The following TCF20 variants were observed in gnomAD, a reference collection of about 807,000 sequenced individuals.
TCF20 encodes SPRE-binding protein.
TCF20 carries 3 observed loss-of-function variants against 148.6 expected under a neutral mutation model. The ratio of observed to expected loss-of-function variants is 0.02; its 90% CI spans 0.01 to 0.05. The LOEUF (loss-of-function observed/expected upper bound fraction) is 0.05, where lower values mean the gene tolerates loss of function less well. Ranked by LOEUF, TCF20 falls within the 10% of genes least tolerant of loss-of-function variation. TCF20 has a pLI of 1.00. For missense variants in TCF20, 2,350 were observed against 2,429.3 expected (o/e 0.97, Z 0.69); for synonymous variants, 1,049 against 909.5 (o/e 1.15, Z -2.76).
chr22:42,272,438 C>T (rs1442599755), upstream of TCF20, among the ~76,000 whole-genome samples: 1 of 152,224 alleles, frequency 6.6e-6, no homozygotes, highest in Non-Finnish European at 1.5e-5. Flanking sequence ...TCCCCTGCCC[C>T]ATCATTCTTC....
upstream of TCF20, among the ~76,000 whole-genome samples, chr22:42,273,360 CAA>C (rs35166029): frequency 0.015 from 901 of 61,182 alleles, 10 homozygotes; most frequent in African/African-American, 0.05. Context: ...AACTCCGTCT[CAA>C]AAAAAAAAAA....
Position 42,297,763 on chromosome 22 carries a change from G to A in TCF20, c.-37+45716C>T, listed in dbSNP as rs1010402061. ...CCCACAAACCACAACAGAAGGCCTC[G>A]GGTCGCATCCCCCCACCAGCTGGGG... On this transcript the variant is annotated intron_variant, in intron 1 of 1. Coordinates refer to the TCF20 transcript ENST00000515426. The surrounding 1 kb of genome is among the most constrained non-coding windows in gnomAD (Gnocchi z 4.3). 3.6e-4 allele frequency among the ~76,000 whole-genome samples: 55 copies of A among 152,156 alleles called. No individual in the cohort carries two copies. Among genetic ancestry groups the A allele is most frequent in the Non-Finnish European group, 2.9e-4 (20 of 68,026 alleles).
intron 5 of TCF20, among the ~76,000 whole-genome samples, chr22:42,167,953 C>CT (rs2147050924): frequency 6.6e-6 from 1 of 151,306 alleles, no homozygotes; most frequent in East Asian, 1.9e-4. Context: ...TCTTGAACTC[C>CT]TGGGCTTAGG....
At chr22:42,342,795 C>A (rs1389039181) in intron 1 of TCF20, among the ~76,000 whole-genome samples, 1 of 152,214 alleles carries the variant, frequency 6.6e-6, no homozygotes, top group African/African-American at 2.4e-5. Context: ...TTTCCTCCCC[C>A]TCCTTCAGGG....
chr22:42,278,788 C>CCCAT (rs942552490), intron 1 of TCF20: 9 of 152,290 alleles, frequency 5.9e-5, no homozygotes. Flanking sequence ...GATGACCATC[C>CCCAT]CCATGTACAG....
chr22:42,247,011 A>T (rs1480225298), intron 1 of TCF20, among the ~76,000 whole-genome samples: 1 of 151,824 alleles, frequency 6.6e-6, no homozygotes, highest in East Asian at 1.9e-4. Context: ...AGGTATAATA[A>T]AAAGCAAAAA....
intron 1 of TCF20, among the ~76,000 whole-genome samples, chr22:42,330,884 G>C (rs893501487): frequency 2.6e-5 from 4 of 152,204 alleles, no homozygotes; most frequent in African/African-American, 9.6e-5. Context: ...TGAATGTCCT[G>C]AGAAGCTGCC....
chr22:42,283,345 ACACCCGGGCTGGCTGCGCACGGCGG>A (rs1926949915), intron 1 of TCF20, among the ~76,000 whole-genome samples: 2 of 150,454 alleles, frequency 1.3e-5, no homozygotes, highest in Admixed American at 6.6e-5. Flanking sequence ...CTGCACCCTC[ACACCCGGGCTGGCTGCGCACGGCGG>A]CTGGATCTGG....
At chr22:42,285,806 G>A (rs986952128), upstream of TCF20, among the ~76,000 whole-genome samples, 8 of 151,848 alleles carry the variant, frequency 5.3e-5, no homozygotes, top group African/African-American at 1.9e-4. The surrounding 1 kb of genome is among the most constrained non-coding windows in gnomAD (Gnocchi z 4.2). Context: ...TTGCCTCTGG[G>A]CCTTTGCACA....
chr22:42,201,874 G>A (rs950513114), intron 2 of TCF20, among the ~76,000 whole-genome samples: 1 of 152,144 alleles, frequency 6.6e-6, no homozygotes, highest in African/African-American at 2.4e-5. Context: ...TCACTAGAAT[G>A]TTAATGCTTT....
intron 1 of TCF20, among the ~76,000 whole-genome samples, chr22:42,262,181 T>C (rs1415707264): frequency 3.9e-5 from 6 of 152,108 alleles, no homozygotes; most frequent in African/African-American, 4.8e-5. Flanking sequence ...ATTAAAAGAT[T>C]TTAAGCAGAC....
intron 1 of TCF20, among the ~76,000 whole-genome samples, chr22:42,262,341 C>G (rs1266673284): frequency 6.6e-6 from 1 of 151,998 alleles, no homozygotes; most frequent in African/African-American, 2.4e-5. Context: ...ATAGCACTGA[C>G]AGTAACTTGA....
At chr22:42,168,114 G>C (rs957491063) in intron 5 of TCF20, among the ~76,000 whole-genome samples, 2 of 151,996 alleles carry the variant, frequency 1.3e-5, no homozygotes, top group African/African-American at 4.8e-5. Context: ...TCTGCAAAAA[G>C]GAATCCTTCA....
chr22:42,265,689 G>A (rs1317480311), intron 1 of TCF20, among the ~76,000 whole-genome samples: 1 of 152,178 alleles, frequency 6.6e-6, no homozygotes, highest in Non-Finnish European at 1.5e-5. Context: ...GTCCCCATGA[G>A]TAAGAAGGCT....
intron 1 of TCF20, among the ~76,000 whole-genome samples, chr22:42,216,101 T>TTTTTTTTTTTG (rs967996391): frequency 6.7e-5 from 9 of 134,010 alleles, no homozygotes; most frequent in African/African-American, 2.1e-4. Flanking sequence ...TTTTTTTTTT[T>TTTTTTTTTTTG]TTTTTTGAGA....
At chr22:42,207,242 A>G (rs73431674) in intron 2 of TCF20, among the ~76,000 whole-genome samples, 6,196 of 152,116 alleles carry the variant, frequency 0.041, 421 homozygotes, top group African/African-American at 0.14. Context: ...TCATGAGCCC[A>G]TATCCCCACC....
intron 1 of TCF20, among the ~76,000 whole-genome samples, chr22:42,259,071 T>C (rs949865628): frequency 2.6e-5 from 4 of 152,192 alleles, no homozygotes; most frequent in African/African-American, 9.7e-5. Flanking sequence ...CATTTCTCAG[T>C]AATCTTGTCT....
chr22:42,269,868 C>G (rs907951751), intron 1 of TCF20: 2 of 152,370 alleles, frequency 1.3e-5, no homozygotes, highest in African/African-American at 4.8e-5. Context: ...CACATCCCGG[C>G]CCAGCCCCGC....
At chr22:42,311,505 G>A (rs770419731) in intron 1 of TCF20, among the ~76,000 whole-genome samples, 19 of 152,202 alleles carry the variant, frequency 1.2e-4, no homozygotes, top group Non-Finnish European at 2.1e-4. Flanking sequence ...CCCTCTCTCA[G>A]CAGCTGCAAA....
Sources: gnomAD v4.1 joint callset for allele counts (sites outside exome capture counted in the v4.1 genomes callset) on GRCh38, gnomAD v4.1.1 for gene constraint, Gnocchi (gnomAD v3.1) non-coding constraint, MANE v1.5 for transcripts, NCBI Gene and HGNC (gene_info 2026-07-23, HGNC 2026-07-21) for gene names.